The following PDIK1L variants were observed in gnomAD, a reference collection of about 807,000 sequenced individuals.
The protein encoded by PDIK1L is PDLIM1 interacting kinase 1 like, also known as serine/threonine-protein kinase PDIK1L.
A neutral mutation model predicts 27.1 loss-of-function variants in PDIK1L; 9 were observed. That is an observed-to-expected ratio of 0.33 (90% CI 0.20 to 0.58). The LOEUF is 0.58. Ranked by LOEUF, PDIK1L falls within the 20% of genes least tolerant of loss-of-function variation. The pLI is 0.86. For missense variants in PDIK1L, 216 were observed against 413.2 expected, an observed-to-expected ratio of 0.52 and a Z score of 4.14; for synonymous variants, 130 against 141.7, an observed-to-expected ratio of 0.92 and a Z score of 0.59.
At chr1:26,117,448 A>G (rs1201994687) in intron 2 of PDIK1L, among the ~76,000 whole-genome samples, 2 of 152,180 alleles carry the variant, frequency 1.3e-5, no homozygotes, top group Non-Finnish European at 2.9e-5. Flanking sequence ...AATATTGGAA[A>G]CATTCTTACT....
At chr1:26,113,716 A>C (rs923145560) in intron 1 of PDIK1L, among the ~76,000 whole-genome samples, 1 of 152,050 alleles carries the variant, frequency 6.6e-6, no homozygotes, top group African/African-American at 2.4e-5. Flanking sequence ...TGTATTTCTA[A>C]CTGTGAGGGG....
rs998031672 is a variant in PDIK1L at position 26,125,338 on chromosome 1, T to C, written c.*2761T>C. ...TTGTAAATTGTTATCAATCAAACTA[T>C]TGTAGCAGCTACAAAGTAATTCACC... On this transcript the variant is annotated 3_prime_UTR_variant, in exon 3 of 3. Transcript: ENST00000374269. 6.6e-6 allele frequency: 1 copy of C among 152,608 alleles called. No individual in the cohort carries two copies. The highest frequency in any genetic ancestry group is 2.4e-5 in the African/African-American group (1 of 41,452). 9.5% of individuals were successfully genotyped at this position (152,608 alleles called of 1,614,324 possible).
intron 2 of PDIK1L, among the ~76,000 whole-genome samples, chr1:26,115,586 G>C (rs2087862747): frequency 6.6e-6 from 1 of 152,108 alleles, no homozygotes. Context: ...CAGATCACGA[G>C]GTCAGGAGAT....
chr1:26,119,938 G>C lies in PDIK1L; in HGVS notation c.286-1899G>C, dbSNP rs191823829. ...GCTAGAGGGGACAGCAGGAGTCAGA[G>C]CACACAAGGTCTCATAACCCATGTT... On this transcript the variant is annotated intron_variant, in intron 2 of 2. Transcript: ENST00000374269. 2.1e-4 allele frequency among the ~76,000 whole-genome samples: 32 copies of C among 152,336 alleles called. 1 individual carries two copies. In the East Asian group the frequency reaches 6.2e-3, roughly 29 times the overall value.
chr1:26,115,796 C>T (rs1037072663), intron 2 of PDIK1L, among the ~76,000 whole-genome samples: 3 of 147,140 alleles, frequency 2.0e-5, no homozygotes, highest in Admixed American at 6.7e-5. Context: ...AGCGAGACTC[C>T]GTCAAAAAAA....
rs1267687409 is a variant in PDIK1L, at chr1:26,121,327, T to TTA, written c.286-509_286-508insAT. On this transcript the variant is annotated intron_variant, in intron 2 of 2. Transcript: ENST00000374269. ...TATTAGTGACTACAGGAACAGCTAT[T>TTA]TCTGCAACAGCTGGTTGTTCCTTGA... Among the ~76,000 whole-genome samples the TTA allele has an allele frequency of 7.9e-5, 12 of 152,348 alleles. No individual in the cohort carries two copies. The South Asian group carries it at 8.3e-4, about 11-fold the overall frequency.
rs2088000811 is a variant in PDIK1L at position 26,122,229 on chromosome 1, T to C, written c.678T>C (p.Ala226=). 6.2e-7 allele frequency: 1 copy of C among 1,614,196 alleles called. No individual in the cohort carries two copies. Among genetic ancestry groups the C allele is most frequent in the Non-Finnish European group, 8.5e-7 (1 of 1,180,032 alleles). ...STACGTDFYM[A]PEVWEGHYTA... The stretch of plus-strand genomic sequence containing the variant: ...CATGTGGAACAGATTTTTACATGGC[T>C]CCTGAAGTTTGGGAAGGACATTACA... Residue 226 remains alanine (A), a synonymous_variant, in exon 3 of 3, where the codon GCT becomes GCC. Transcript: ENST00000374269. The surrounding 1 kb of genome is among the most constrained non-coding windows in gnomAD (Gnocchi z 5.4).
At chr1:26,111,673 G>C (rs1012056118), upstream of PDIK1L, among the ~76,000 whole-genome samples, 7 of 151,740 alleles carry the variant, frequency 4.6e-5, no homozygotes, top group African/African-American at 1.7e-4. This position sits in a 1 kb window ranked among gnomAD's most constrained non-coding sequence, Gnocchi z 4.0. Flanking sequence ...GCAAATCCTC[G>C]AGAGAGGGAG....
intron 2 of PDIK1L, among the ~76,000 whole-genome samples, chr1:26,120,851 C>T (rs550357837): frequency 8.5e-4 from 129 of 151,422 alleles, no homozygotes; most frequent in African/African-American, 2.6e-3. Context: ...ACTTGGGAGG[C>T]CGAGGCAGGA....
At chr1:26,111,657 G>A (rs1482700967), upstream of PDIK1L, among the ~76,000 whole-genome samples, 3 of 151,546 alleles carry the variant, frequency 2.0e-5, no homozygotes. The surrounding 1 kb of genome is among the most constrained non-coding windows in gnomAD (Gnocchi z 4.0). Flanking sequence ...GACGACTCCC[G>A]GCTCTGCAAA....
At position 26,122,118 on chromosome 1, in the gene PDIK1L, T is replaced by A; in HGVS notation, c.567T>A (p.Ala189=). 1.2e-6 allele frequency: 2 copies of A among 1,614,000 alleles called. No individual in the cohort carries two copies. The highest frequency in any genetic ancestry group is 1.7e-6 in the Non-Finnish European group (2 of 1,180,012). The change falls in exon 3 of 3, where the codon GCT becomes GCA. Residue 189 remains alanine, a synonymous_variant. Coordinates refer to ENST00000374269, the MANE Select transcript of PDIK1L (RefSeq NM_152835.5). This position sits in a 1 kb window ranked among gnomAD's most constrained non-coding sequence, Gnocchi z 5.4. The part of the protein sequence containing the change: ...TSDLEPTLKV[A]DFGLSKVCSA... ...ACTTGGAACCTACCCTCAAAGTGGC[T>A]GATTTTGGTCTAAGTAAAGTTTGTT...
Position 26,121,816 on chromosome 1 carries a change from CTT to C in PDIK1L, c.286-16_286-15del. Reference sequence around the variant, plus strand: ...TATAACCTATGCAAATGATTGTAATCTTTTTTCTTCCTTCTTGTAGCTTGTAG... The same window carrying C: ...TATAACCTATGCAAATGATTGTAATCTTTTCTTCCTTCTTGTAGCTTGTAG... On this transcript the variant is annotated intron_variant, in intron 2 of 2. Transcript: ENST00000374269. The C allele has an allele frequency of 6.3e-7, 1 of 1,582,070 alleles. No homozygotes were observed. The highest frequency in any genetic ancestry group is 8.6e-7 in the Non-Finnish European group (1 of 1,166,520).
intron 2 of PDIK1L, among the ~76,000 whole-genome samples, chr1:26,117,431 G>A (rs1438273037): frequency 1.3e-5 from 2 of 152,144 alleles, no homozygotes; most frequent in Non-Finnish European, 2.9e-5. Flanking sequence ...AAGTTGAATT[G>A]ATAGAAAATA....
chr1:26,118,632 G>A (rs573674315), intron 2 of PDIK1L, among the ~76,000 whole-genome samples: 1 of 152,184 alleles, frequency 6.6e-6, no homozygotes, highest in Non-Finnish European at 1.5e-5. Flanking sequence ...TATAGGAGTT[G>A]TCAAAATTAG....
intron 2 of PDIK1L, among the ~76,000 whole-genome samples, chr1:26,116,572 A>T (rs2124470321): frequency 6.6e-6 from 1 of 152,352 alleles, no homozygotes; most frequent in African/African-American, 2.4e-5. Context: ...TTGGACTAGG[A>T]ACAACAAAGA....
At chr1:26,116,594 C>T (rs2087880999) in intron 2 of PDIK1L, among the ~76,000 whole-genome samples, 2 of 152,172 alleles carry the variant, frequency 1.3e-5, no homozygotes, top group Non-Finnish European at 2.9e-5. Context: ...AACAAATACA[C>T]GAATGTATGT....
rs1270655400 is a variant in PDIK1L at position 26,123,783 on chromosome 1, A to G, written c.*1206A>G. 1 of 152,674 alleles carries G rather than the reference A, an allele frequency of 6.5e-6. No homozygotes were observed. Among genetic ancestry groups the G allele is most frequent in the African/African-American group, 2.4e-5 (1 of 41,456 alleles). 9.5% of individuals were successfully genotyped at this position (152,674 alleles called of 1,614,324 possible). ...AAATGGATAAAATATTGTGGCATCA[A>G]CTACTTTTAAAGTAGAAAAGCTATC... On this transcript the variant is annotated 3_prime_UTR_variant, in exon 3 of 3. Coordinates refer to ENST00000374269, the MANE Select transcript of PDIK1L (RefSeq NM_152835.5).
Position 26,122,583 on chromosome 1 carries a change from A to G in PDIK1L, c.*6A>G, listed in dbSNP as rs2088006776. 6.3e-7 allele frequency: 1 copy of G among 1,594,354 alleles called. No individual in the cohort carries two copies. The highest frequency in any genetic ancestry group is 1.1e-5 in the South Asian group (1 of 88,838). ...ATAGCAGCTGGGAAACGTGACACAT[A>G]TTATTTGCAAATACCATGGATGATA... On this transcript the variant is annotated 3_prime_UTR_variant, in exon 3 of 3. Transcript: ENST00000374269. This position sits in a 1 kb window ranked among gnomAD's most constrained non-coding sequence, Gnocchi z 5.4.
At chr1:26,119,264 C>T (rs892186642) in intron 2 of PDIK1L, among the ~76,000 whole-genome samples, 6 of 151,892 alleles carry the variant, frequency 4.0e-5, no homozygotes, top group Non-Finnish European at 5.9e-5. Context: ...AAAAATTAGA[C>T]GGGCGTGGTG....
Sources: gnomAD v4.1 joint callset for allele counts (sites outside exome capture counted in the v4.1 genomes callset) on GRCh38, gnomAD v4.1.1 for gene constraint, Gnocchi (gnomAD v3.1) non-coding constraint, MANE v1.5 for transcripts, NCBI Gene and HGNC (gene_info 2026-07-23, HGNC 2026-07-21) for gene names.